The following ZNF385B variants were observed in gnomAD, a reference collection of about 807,000 sequenced individuals.
ZNF385B encodes the protein zinc finger protein 533.
A neutral mutation model predicts 39.2 loss-of-function variants in ZNF385B; 23 were observed. The ratio of observed to expected loss-of-function variants is 0.59; its 90% CI spans 0.42 to 0.83. The LOEUF is 0.83. Ranked by LOEUF, ZNF385B falls within the 40% of genes least tolerant of loss-of-function variation. ZNF385B has a pLI of 0.00. For synonymous variants in ZNF385B, 205 were observed against 222.6 expected (o/e 0.92, Z 0.70); for missense variants, 552 against 598.9 (o/e 0.92, Z 0.82).
chr2:179,666,277 T>C (rs952176884), intron 3 of ZNF385B, among the ~76,000 whole-genome samples: 3 of 152,164 alleles, frequency 2.0e-5, no homozygotes, highest in African/African-American at 4.8e-5. Context: ...TTTATAAGAG[T>C]TGAGTTAGCT....
chr2:179,787,889 A>T (rs2106534063), intron 1 of ZNF385B, among the ~76,000 whole-genome samples: 1 of 152,304 alleles, frequency 6.6e-6, no homozygotes, highest in Non-Finnish European at 1.5e-5. Flanking sequence ...AAGCTAAAAG[A>T]TAAATTGTGA....
At chr2:179,591,887 C>T (rs1687596154) in intron 3 of ZNF385B, among the ~76,000 whole-genome samples, 1 of 152,114 alleles carries the variant, frequency 6.6e-6, no homozygotes, top group Admixed American at 6.5e-5. Context: ...CCCCAGGGAT[C>T]CTTCCGCCCC....
chr2:179,511,537 T>A (rs1298038519), intron 5 of ZNF385B, among the ~76,000 whole-genome samples: 1 of 152,166 alleles, frequency 6.6e-6, no homozygotes, highest in Non-Finnish European at 1.5e-5. Context: ...TGAGGTGGTA[T>A]TATGGATGTA....
intron 3 of ZNF385B, among the ~76,000 whole-genome samples, chr2:179,570,526 CT>C (rs1162297045): frequency 7.2e-5 from 11 of 152,036 alleles, no homozygotes; most frequent in African/African-American, 1.7e-4. Flanking sequence ...TAATATCTGT[CT>C]TTTTTAGATT....
intron 1 of ZNF385B, among the ~76,000 whole-genome samples, chr2:179,810,174 T>C (rs1706645408): frequency 6.6e-6 from 1 of 151,842 alleles, no homozygotes; most frequent in African/African-American, 2.4e-5. Context: ...ATCAAATAAA[T>C]TCCAGATAGG....
chr2:179,736,909 G>A (rs1391619048), intron 3 of ZNF385B, among the ~76,000 whole-genome samples: 1 of 152,210 alleles, frequency 6.6e-6, no homozygotes, highest in Non-Finnish European at 1.5e-5. Flanking sequence ...GGCGGAACTT[G>A]GAGTGAGCAG....
chr2:179,758,839 G>C (rs1413589593), intron 3 of ZNF385B, among the ~76,000 whole-genome samples: 2 of 152,178 alleles, frequency 1.3e-5, no homozygotes, highest in African/African-American at 4.8e-5. Flanking sequence ...GCACCAATGA[G>C]TCCGGCACAA....
intron 6 of ZNF385B, among the ~76,000 whole-genome samples, chr2:179,460,684 A>C (rs2051233897): frequency 6.6e-6 from 1 of 152,066 alleles, no homozygotes; most frequent in Admixed American, 6.6e-5. Context: ...GACTGACTCC[A>C]CTCAGACCCA....
At chr2:179,604,826 C>T (rs1325503771) in intron 3 of ZNF385B, among the ~76,000 whole-genome samples, 1 of 152,210 alleles carries the variant, frequency 6.6e-6, no homozygotes, top group Non-Finnish European at 1.5e-5. Flanking sequence ...ATAACATTTA[C>T]AATTGTGAAA....
At chr2:179,666,226 G>A (rs1407943176) in intron 3 of ZNF385B, among the ~76,000 whole-genome samples, 1 of 152,108 alleles carries the variant, frequency 6.6e-6, no homozygotes, top group Non-Finnish European at 1.5e-5. Flanking sequence ...TCCAGAGTTG[G>A]TTACAATAGA....
chr2:179,444,056 ATT>A (rs1278750375), intron 9 of ZNF385B, among the ~76,000 whole-genome samples: 2 of 152,242 alleles, frequency 1.3e-5, no homozygotes, highest in Non-Finnish European at 2.9e-5. Flanking sequence ...GAAACTCTCT[ATT>A]TAACGGAATG....
At chr2:179,525,136 T>C (rs1468122570) in intron 4 of ZNF385B, among the ~76,000 whole-genome samples, 3 of 152,148 alleles carry the variant, frequency 2.0e-5, no homozygotes, top group Admixed American at 6.5e-5. Flanking sequence ...CCCCCAACAT[T>C]GTTCCCTGCT....
intron 4 of ZNF385B, among the ~76,000 whole-genome samples, chr2:179,541,981 A>G (rs765398094): frequency 7.2e-5 from 11 of 152,192 alleles, no homozygotes; most frequent in Non-Finnish European, 1.2e-4. Flanking sequence ...TCTAGACAAT[A>G]AGAGTAATAA....
At chr2:179,542,147 T>C (rs1311720637) in intron 4 of ZNF385B, among the ~76,000 whole-genome samples, 1 of 152,216 alleles carries the variant, frequency 6.6e-6, no homozygotes, top group Non-Finnish European at 1.5e-5. Flanking sequence ...TTAGGTATTC[T>C]ATTGGGTGAG....
At chr2:179,530,014 T>C (rs551940955) in intron 4 of ZNF385B, among the ~76,000 whole-genome samples, 61 of 144,692 alleles carry the variant, frequency 4.2e-4, no homozygotes, top group Admixed American at 1.2e-3. Flanking sequence ...TCAGTAGATG[T>C]GTAAAATGTG....
At chr2:179,519,443 A>G (rs990288726) in intron 4 of ZNF385B, among the ~76,000 whole-genome samples, 6 of 152,264 alleles carry the variant, frequency 3.9e-5, no homozygotes, top group African/African-American at 9.6e-5. Flanking sequence ...GTTAAATATT[A>G]ATCAAGTAAA....
chr2:179,696,325 A>ATTTTTTT (rs1333224792), intron 3 of ZNF385B, among the ~76,000 whole-genome samples: 156 of 9,714 alleles, frequency 0.016, 1 homozygote, highest in East Asian at 0.031. Context: ...ACAAACTGGG[A>ATTTTTTT]CTTTTTTTTT....
chr2:179,841,513 T>C (rs1053129874), intron 1 of ZNF385B, among the ~76,000 whole-genome samples: 1 of 152,200 alleles, frequency 6.6e-6, no homozygotes, highest in African/African-American at 2.4e-5. Context: ...GTAATTTGTG[T>C]CTGTATTAGG....
chr2:179,544,142 A>C (rs1301055046), intron 4 of ZNF385B, among the ~76,000 whole-genome samples: 1 of 152,220 alleles, frequency 6.6e-6, no homozygotes, highest in Non-Finnish European at 1.5e-5. Flanking sequence ...TATTGTTGAA[A>C]GATGTCATGC....
Sources: gnomAD v4.1 joint callset for allele counts (sites outside exome capture counted in the v4.1 genomes callset) on GRCh38, gnomAD v4.1.1 for gene constraint, MANE v1.5 for transcripts, NCBI Gene and HGNC (gene_info 2026-07-23, HGNC 2026-07-21) for gene names.